The following PSKH1 variants were observed in gnomAD, a reference collection of about 807,000 sequenced individuals.
PSKH1 encodes the protein protein serine kinase H1.
PSKH1 carries 12 observed loss-of-function variants against 26.7 expected under a neutral mutation model. The observed-to-expected ratio is 0.45, with a 90% confidence interval of 0.29 to 0.73. The LOEUF is 0.73. Ranked by LOEUF, PSKH1 falls within the 30% of genes least tolerant of loss-of-function variation. The pLI is 0.11. For synonymous variants in PSKH1, 213 were observed against 234.3 expected (o/e 0.91, Z 0.83); for missense variants, 431 against 595.2 (o/e 0.72, Z 2.87).
chr16:67,904,160 C>G (rs553163944), intron 1 of PSKH1, among the ~76,000 whole-genome samples: 1 of 151,530 alleles, frequency 6.6e-6, no homozygotes, highest in East Asian at 1.9e-4. Context: ...AGATTACAGG[C>G]GCCTGCCACA....
intron 2 of PSKH1, among the ~76,000 whole-genome samples, chr16:67,913,160 G>A (rs1401551904): frequency 2.0e-5 from 3 of 152,020 alleles, no homozygotes; most frequent in Admixed American, 2.0e-4. Context: ...ACTCCAGCCT[G>A]TGTGAAGACG....
intron 2 of PSKH1, among the ~76,000 whole-genome samples, chr16:67,914,896 AT>A (rs1445131150): frequency 3.9e-5 from 6 of 151,924 alleles, no homozygotes; most frequent in African/African-American, 1.5e-4. Context: ...AGGGAGAGAG[AT>A]TTCCCAAGAT....
intron 2 of PSKH1, among the ~76,000 whole-genome samples, chr16:67,921,841 C>T (rs1179373382): frequency 6.6e-6 from 1 of 152,192 alleles, no homozygotes; most frequent in Non-Finnish European, 1.5e-5. Flanking sequence ...TCTCCTTCCC[C>T]TCCACTCTGG....
rs1935836961 is a variant in PSKH1 at position 67,927,200 on chromosome 16, G to T, written c.958-125G>T. 4.0e-6 allele frequency: 4 copies of T among 988,886 alleles called. No homozygotes were observed. The South Asian group carries it at 6.3e-5, about 16-fold the overall frequency. 61.3% of individuals were successfully genotyped at this position (988,886 alleles called of 1,614,324 possible). A position where few individuals can be genotyped will look rare whatever the true frequency, so the allele number is the denominator to read the frequency against. ...CCAGCGTTGGGCGGGGAGGCCCCAA[G>T]TGCTACATGAGAGGAGGGGCAGCAC... On this transcript the variant is annotated intron_variant, in intron 2 of 2. Transcript: ENST00000291041. The surrounding 1 kb of genome is among the most constrained non-coding windows in gnomAD (Gnocchi z 5.5).
chr16:67,917,955 G>C (rs1372417496), intron 2 of PSKH1, among the ~76,000 whole-genome samples: 2 of 152,196 alleles, frequency 1.3e-5, no homozygotes, highest in African/African-American at 4.8e-5. Context: ...GGGAGACACA[G>C]GTTGGGAGAG....
chr16:67,908,276 G>A (rs1161655352), intron 1 of PSKH1, among the ~76,000 whole-genome samples: 2 of 151,930 alleles, frequency 1.3e-5, no homozygotes, highest in African/African-American at 4.8e-5. Context: ...TCAGTTTTTT[G>A]TTTGTTTGTT....
chr16:67,909,058 A>G lies in PSKH1; in HGVS notation c.309A>G (p.Leu103=), dbSNP rs1436943968. 6.2e-7 allele frequency: 1 copy of G among 1,614,160 alleles called. No homozygotes were observed. The highest frequency in any genetic ancestry group is 1.1e-5 in the South Asian group (1 of 91,086). ...RVTAKYDIKA[L]IGRGSFSRVV... is the part of the protein sequence containing the mutation. Reference sequence around the variant, plus strand: ...CAGCTAAGTATGACATCAAGGCCCTAATTGGCCGAGGCAGCTTCAGCCGAG... The same window carrying G: ...CAGCTAAGTATGACATCAAGGCCCTGATTGGCCGAGGCAGCTTCAGCCGAG... Residue 103 remains leucine (L), a synonymous_variant, in exon 2 of 3, where the codon CTA becomes CTG. Coordinates refer to ENST00000291041, the MANE Select transcript of PSKH1 (RefSeq NM_006742.3). This position sits in a 1 kb window ranked among gnomAD's most constrained non-coding sequence, Gnocchi z 7.8.
chr16:67,921,343 A>G (rs1286801784), intron 2 of PSKH1, among the ~76,000 whole-genome samples: 1 of 152,118 alleles, frequency 6.6e-6, no homozygotes, highest in African/African-American at 2.4e-5. Flanking sequence ...TGGGAGGCCG[A>G]GGCGGGCAGA....
chr16:67,921,016 C>T (rs144741044), intron 2 of PSKH1, among the ~76,000 whole-genome samples: 87 of 151,604 alleles, frequency 5.7e-4, no homozygotes, highest in African/African-American at 1.9e-3. Context: ...CACGGTGGCT[C>T]ACACCTGTAA....
chr16:67,927,667 G>C lies in PSKH1; in HGVS notation c.*25G>C, dbSNP rs1256734362. Reference sequence around the variant, plus strand: ...AGCCGCCTGGCTGTGCACACATGCAGCACGACCCAGCCTGGCCACACACTG... The same window carrying C: ...AGCCGCCTGGCTGTGCACACATGCACCACGACCCAGCCTGGCCACACACTG... On this transcript the variant is annotated 3_prime_UTR_variant, in exon 3 of 3. Coordinates refer to ENST00000291041, the MANE Select transcript of PSKH1 (RefSeq NM_006742.3). The surrounding 1 kb of genome is among the most constrained non-coding windows in gnomAD (Gnocchi z 5.5). The C allele has an allele frequency of 1.9e-6, 3 of 1,575,998 alleles. No homozygotes were observed. In the South Asian group the frequency reaches 3.4e-5, roughly 18 times the overall value.
chr16:67,916,802 CAG>C (rs2058189133), intron 2 of PSKH1, among the ~76,000 whole-genome samples: 1 of 152,102 alleles, frequency 6.6e-6, no homozygotes, highest in African/African-American at 2.4e-5. Context: ...GAGTATGGAG[CAG>C]AGTCCTAGCT....
At chr16:67,895,549 C>G (rs1034162125) in intron 1 of PSKH1, among the ~76,000 whole-genome samples, 4 of 151,984 alleles carry the variant, frequency 2.6e-5, no homozygotes, top group African/African-American at 9.7e-5. Context: ...GCTGGGATTA[C>G]AATCACGCAT....
Position 67,927,664 on chromosome 16 carries a change from G to T in PSKH1, c.*22G>T. 6.3e-7 allele frequency: 1 copy of T among 1,581,640 alleles called. No individual in the cohort carries two copies. ...CTGAGCCGCCTGGCTGTGCACACAT[G>T]CAGCACGACCCAGCCTGGCCACACA... is the stretch of plus-strand genomic sequence containing the variant. On this transcript the variant is annotated 3_prime_UTR_variant, in exon 3 of 3. Transcript: ENST00000291041. This position sits in a 1 kb window ranked among gnomAD's most constrained non-coding sequence, Gnocchi z 5.5.
At chr16:67,901,011 CCA>C (rs1187104199) in intron 1 of PSKH1, among the ~76,000 whole-genome samples, 1 of 152,136 alleles carries the variant, frequency 6.6e-6, no homozygotes, top group East Asian at 1.9e-4. Flanking sequence ...TTTCACCTGA[CCA>C]CAGTGTGGAG....
At chr16:67,894,187 CTA>C (rs1407333879) in intron 1 of PSKH1, among the ~76,000 whole-genome samples, 3 of 152,208 alleles carry the variant, frequency 2.0e-5, no homozygotes. Context: ...GACAAGGCCT[CTA>C]TTGCCCAAGC....
At chr16:67,907,412 C>A (rs1303453181) in intron 1 of PSKH1, among the ~76,000 whole-genome samples, 2 of 152,052 alleles carry the variant, frequency 1.3e-5, no homozygotes, top group Admixed American at 1.3e-4. Context: ...AGGCGCCCAC[C>A]ACCACACCCA....
intron 1 of PSKH1, among the ~76,000 whole-genome samples, chr16:67,907,267 CTT>C (rs961499299): frequency 5.6e-5 from 8 of 141,666 alleles, no homozygotes; most frequent in Non-Finnish European, 9.3e-5. Context: ...CTGGCCAACT[CTT>C]TTTTTTTTTG....
intron 1 of PSKH1, among the ~76,000 whole-genome samples, chr16:67,908,027 C>T (rs1313637406): frequency 6.6e-6 from 1 of 152,126 alleles, no homozygotes; most frequent in East Asian, 1.9e-4. Context: ...AAACATGGGC[C>T]TTCGGCTAGG....
chr16:67,907,814 T>C (rs2058160795), intron 1 of PSKH1, among the ~76,000 whole-genome samples: 1 of 151,792 alleles, frequency 6.6e-6, no homozygotes, highest in African/African-American at 2.4e-5. Context: ...CCCAGGGAAG[T>C]GGTTTGTTGC....
Sources: gnomAD v4.1 joint callset for allele counts (sites outside exome capture counted in the v4.1 genomes callset) on GRCh38, gnomAD v4.1.1 for gene constraint, Gnocchi (gnomAD v3.1) non-coding constraint, MANE v1.5 for transcripts, NCBI Gene and HGNC (gene_info 2026-07-23, HGNC 2026-07-21) for gene names.